LATS1: variants seen among roughly 807,000 people sequenced by gnomAD.
LATS1 encodes the protein serine/threonine-protein kinase LATS1.
LATS1 carries 25 observed loss-of-function variants against 106.6 expected under a neutral mutation model. The ratio of observed to expected loss-of-function variants is 0.23; its 90% CI spans 0.17 to 0.33. LATS1 has a LOEUF of 0.33. Ranked by LOEUF, LATS1 falls within the 10% of genes least tolerant of loss-of-function variation. LATS1 has a pLI of 1.00. For synonymous variants in LATS1, 465 were observed against 455.6 expected (o/e 1.02, Z -0.26); for missense variants, 1,040 against 1,382.6 (o/e 0.75, Z 3.93).
intron 7 of LATS1, among the ~76,000 whole-genome samples, chr6:149,673,626 T>C (rs1781557749): frequency 6.6e-6 from 1 of 151,682 alleles, no homozygotes; most frequent in African/African-American, 2.4e-5. Context: ...AGACCTATAC[T>C]ATAAAAAATC....
chr6:149,682,964 T>C (rs1295842897), intron 4 of LATS1, 115 bp downstream of exon 4: 67 of 774,016 alleles, frequency 8.7e-5, no homozygotes, highest in Non-Finnish European at 1.3e-4. Flanking sequence ...CCATAACTGA[T>C]AATATATTTT....
At chr6:149,691,923 C>T (rs115532629) in intron 3 of LATS1, among the ~76,000 whole-genome samples, 76 of 152,274 alleles carry the variant, frequency 5.0e-4, no homozygotes, top group African/African-American at 1.6e-3. Flanking sequence ...TCTACCATCA[C>T]GCACCATATG....
intron 3 of LATS1, among the ~76,000 whole-genome samples, chr6:149,692,436 C>T (rs1782813431): frequency 6.6e-6 from 1 of 152,102 alleles, no homozygotes; most frequent in African/African-American, 2.4e-5. Flanking sequence ...AAAAATCCCA[C>T]TATTATATGA....
chr6:149,697,059 C>T (rs910677787), intron 2 of LATS1: 2 of 851,472 alleles, frequency 2.3e-6, no homozygotes, highest in East Asian at 1.0e-4. Flanking sequence ...AGTATGTTGA[C>T]ATGCATTTTT....
chr6:149,667,204 G>T (rs1290588692), intron 7 of LATS1, among the ~76,000 whole-genome samples: 1 of 151,990 alleles, frequency 6.6e-6, no homozygotes, highest in Non-Finnish European at 1.5e-5. Context: ...GGAGGCCGAG[G>T]CAGGTGGATC....
At chr6:149,686,420 G>T (rs1394231015) in intron 3 of LATS1, among the ~76,000 whole-genome samples, 2 of 152,094 alleles carry the variant, frequency 1.3e-5, no homozygotes, top group African/African-American at 2.4e-5. Context: ...CACCCCTGTT[G>T]TTCTGCGCCT....
At chr6:149,671,627 G>A (rs1208769661) in intron 7 of LATS1, among the ~76,000 whole-genome samples, 1 of 151,846 alleles carries the variant, frequency 6.6e-6, no homozygotes, top group Non-Finnish European at 1.5e-5. Context: ...CTACATTATT[G>A]AAGCTTCACA....
rs190888802 is a variant in LATS1 at position 149,710,563 on chromosome 6, A to G, written c.-141+7286T>C. On this transcript the variant is annotated intron_variant, in intron 1 of 7. Transcript: ENST00000543571. ...TACAGAAAACTGGTACCTGGAAGTGAGGTGCTGCTACAATAAAAACCTATG... is the reference window on the plus strand; with the variant it reads ...TACAGAAAACTGGTACCTGGAAGTGGGGTGCTGCTACAATAAAAACCTATG... Among the ~76,000 whole-genome samples the G allele has an allele frequency of 2.6e-5, 4 of 152,304 alleles. No individual in the cohort carries two copies. In the East Asian group the frequency reaches 7.7e-4, roughly 29 times the overall value.
rs1780775474 is a variant in LATS1 at position 149,658,384 on chromosome 6, T to A, written c.*3345A>T. On this transcript the variant is annotated 3_prime_UTR_variant, in exon 8 of 8. Transcript: ENST00000543571. ...ATTCAATTTTAATACAAAATACTTATATACACAATACAATATAAAAGTAAA... is the reference window on the plus strand; with the variant it reads ...ATTCAATTTTAATACAAAATACTTAAATACACAATACAATATAAAAGTAAA... 1 of 152,202 alleles carries A rather than the reference T, an allele frequency of 6.6e-6. No individual in the cohort carries two copies. The highest frequency in any genetic ancestry group is 6.5e-5 in the Admixed American group (1 of 15,272). 9.4% of individuals were successfully genotyped at this position (152,202 alleles called of 1,614,324 possible).
At chr6:149,689,162 T>C (rs6940108) in intron 3 of LATS1, among the ~76,000 whole-genome samples, 1,898 of 151,172 alleles carry the variant, frequency 0.013, 25 homozygotes, top group Middle Eastern at 0.02. Flanking sequence ...AGCAAAACTT[T>C]GTCTCAAAAA....
intron 7 of LATS1, among the ~76,000 whole-genome samples, chr6:149,670,957 T>A (rs940881880): frequency 1.3e-5 from 2 of 151,914 alleles, no homozygotes; most frequent in African/African-American, 4.9e-5. Flanking sequence ...TGGGTCATGA[T>A]TCTGGGGTCA....
chr6:149,701,796 C>T lies in LATS1; in HGVS notation c.331G>A (p.Ala111Thr), dbSNP rs769609129. 1.4e-5 allele frequency: 22 copies of T among 1,611,394 alleles called. 1 individual carries two copies. The highest frequency in any genetic ancestry group is 1.7e-4 in the Middle Eastern group (1 of 6,056). Reference sequence around the variant, plus strand: ...ATTCTTACCTCATCAAATCCAGCAGCTTGCAAGTCTTGAAGCATTTGTGGA... The same window carrying T: ...ATTCTTACCTCATCAAATCCAGCAGTTTGCAAGTCTTGAAGCATTTGTGGA... ...VNPQMLQDLQ[A>T]AGFDEDMVIQ... Residue 111 changes from alanine to threonine, a missense_variant, in exon 2 of 8, where the codon GCT (alanine) becomes ACT (threonine). Physicochemically the swap from Ala to Thr is moderately conservative, Grantham distance 58. This residue lies in a region of LATS1 where 624 missense variants were observed against 714.8 expected (regional missense o/e 0.87). Transcript: ENST00000543571.
Position 149,683,962 on chromosome 6 carries a change from T to C in LATS1, c.1127A>G (p.Tyr376Cys). The change falls in exon 4 of 8, where the codon TAT becomes TGT. Residue 376 changes from tyrosine (Y) to cysteine (C), a missense_variant. By Grantham distance (194) the Tyr-to-Cys change is radical. This residue lies in a region of LATS1 where 624 missense variants were observed against 714.8 expected (regional missense o/e 0.87). Coordinates refer to ENST00000543571, the MANE Select transcript of LATS1 (RefSeq NM_004690.4). ...GTVNRQPPPPYPLTAANGQSP... is the reference protein window; with the variant it reads ...GTVNRQPPPPCPLTAANGQSP... ...TTGTCCATTAGCTGCTGTCAGAGGA[T>C]ATGGAGGTGGTGGCTGCCGATTCAC... 6.2e-7 allele frequency: 1 copy of C among 1,614,208 alleles called. No individual in the cohort carries two copies. The highest frequency in any genetic ancestry group is 1.1e-5 in the South Asian group (1 of 91,086).
At position 149,684,551 on chromosome 6, in the gene LATS1, C is replaced by T; in HGVS notation, c.538G>A (p.Gly180Ser). The change falls in exon 4 of 8, where the codon GGT becomes AGT. Residue 180 changes from glycine (G) to serine (S), a missense_variant. This residue lies in a region of LATS1 where 624 missense variants were observed against 714.8 expected (regional missense o/e 0.87). Coordinates refer to ENST00000543571, the MANE Select transcript of LATS1 (RefSeq NM_004690.4). ...TGAGGAACTAAGGATTCTTTAGAAC[C>T]TTTCCAGCTCTGTTTGCGGTTAACT... ...QSVNRKQSWK[G>S]SKESLVPQRH... is the part of the protein sequence containing the mutation. 1 of 1,608,986 alleles carries T rather than the reference C, an allele frequency of 6.2e-7. No homozygotes were observed. The highest frequency in any genetic ancestry group is 8.5e-7 in the Non-Finnish European group (1 of 1,176,194).
In LATS1 at chr6:149,683,453, C is replaced by T. The variant is rs1014253189; in HGVS notation, c.1636G>A (p.Val546Ile). 2 of 1,614,042 alleles carry T rather than the reference C, an allele frequency of 1.2e-6. No individual in the cohort carries two copies. The highest frequency in any genetic ancestry group is 1.7e-6 in the Non-Finnish European group (2 of 1,180,042). ...TASNVTVMPP[V>I]AEAPNYQGPP... ...CCTTGATAGTTTGGAGCTTCAGCAACAGGTGGCATCACAGTCACATTTGAA... is the reference window on the plus strand; with the variant it reads ...CCTTGATAGTTTGGAGCTTCAGCAATAGGTGGCATCACAGTCACATTTGAA... Residue 546 changes from valine (V) to isoleucine (I), a missense_variant, in exon 4 of 8, where the codon GTT becomes ATT. Val to Ile is a conservative substitution (Grantham distance 29, BLOSUM62 3). Transcript: ENST00000543571.
chr6:149,682,899 A>G (rs1020167756), intron 4 of LATS1, 180 bp downstream of exon 4: 1 of 584,046 alleles, frequency 1.7e-6, no homozygotes, highest in Non-Finnish European at 2.8e-6. Context: ...ATATTGAAAT[A>G]CTAAAATAAA....
intron 2 of LATS1, among the ~76,000 whole-genome samples, chr6:149,695,509 C>T (rs1436247215): frequency 1.3e-5 from 2 of 152,052 alleles, no homozygotes; most frequent in Non-Finnish European, 2.9e-5. Context: ...AACCCAGTCT[C>T]TGCAAAAAAA....
At chr6:149,685,601 G>A (rs1377977309) in intron 3 of LATS1, among the ~76,000 whole-genome samples, 2 of 152,124 alleles carry the variant, frequency 1.3e-5, no homozygotes, top group African/African-American at 4.8e-5. Flanking sequence ...AGCGAGGCTG[G>A]TCTTAAACTC....
In LATS1 at chr6:149,716,103, A is replaced by G. The variant is rs950541403; in HGVS notation, c.-141+1746T>C. On this transcript the variant is annotated intron_variant, in intron 1 of 7. Transcript: ENST00000543571. ...TCAAAAATACAAACATCAACAAACA[A>G]GTATCATTGATTAGTTTGTCCAACT... 7.9e-5 allele frequency: 12 copies of G among 152,192 alleles called. No individual in the cohort carries two copies. In the East Asian group the frequency reaches 2.1e-3, roughly 27 times the overall value. 9.4% of individuals were successfully genotyped at this position (152,192 alleles called of 1,614,324 possible).
Sources: gnomAD v4.1 joint callset for allele counts (sites outside exome capture counted in the v4.1 genomes callset) on GRCh38, gnomAD v4.1.1 for gene constraint, gnomAD v4.1.1 regional missense constraint, MANE v1.5 for transcripts, NCBI Gene and HGNC (gene_info 2026-07-23, HGNC 2026-07-21) for gene names.